Variants in OR4N2 observed in about 807,000 individuals in gnomAD.
The protein encoded by OR4N2 is olfactory receptor family 4 subfamily N member 2.
For synonymous variants in OR4N2, 141 were observed against 140.4 expected (o/e 1.00, Z -0.03); for missense variants, 307 against 377.6 (o/e 0.81, Z 1.55).
rs1376402547 is a variant in OR4N2 at position 19,803,854 on chromosome 14, C to T, written c.-10+10C>T. 6.6e-6 allele frequency: 1 copy of T among 152,194 alleles called. No homozygotes were observed. Among genetic ancestry groups the T allele is most frequent in the Non-Finnish European group, 1.5e-5 (1 of 68,082 alleles). The allele number at this position is 152,194 out of a possible 1,614,324, so 9.4% of individuals were successfully genotyped here. A position where few individuals can be genotyped will look rare whatever the true frequency, so the allele number is the denominator to read the frequency against. ...TCCTGGGCTTTTTCTGGTTGGTAGG[C>T]TTTTTATTACTAACACAATCTTGGA... On this transcript the variant is annotated intron_variant, in intron 1 of 1. Transcript: ENST00000557677.
intron 1 of OR4N2, among the ~76,000 whole-genome samples, chr14:19,806,578 T>C (rs948799076): frequency 6.6e-5 from 10 of 152,272 alleles, no homozygotes; most frequent in Admixed American, 4.6e-4. Context: ...AAAACAAGTT[T>C]TTCTTGGCCT....
intron 1 of OR4N2, among the ~76,000 whole-genome samples, chr14:19,810,770 C>T (rs1002200372): frequency 3.3e-5 from 5 of 152,054 alleles, no homozygotes; most frequent in African/African-American, 1.2e-4. Flanking sequence ...GAAATGATTA[C>T]CAAAATTGAT....
intron 1 of OR4N2, among the ~76,000 whole-genome samples, chr14:19,820,242 G>C (rs532162481): frequency 6.6e-6 from 1 of 152,246 alleles, no homozygotes; most frequent in Non-Finnish European, 1.5e-5. Flanking sequence ...GGATCTCCTG[G>C]ATTCATTGAT....
In OR4N2 at chr14:19,820,040, C is replaced by T. The variant is rs145226163; in HGVS notation, c.-9-7400C>T. On this transcript the variant is annotated intron_variant, in intron 1 of 1. Coordinates refer to ENST00000557677, the MANE Select transcript of OR4N2 (RefSeq NM_001004723.3). ...TGCTGCAGAACAGCAAAGATTACTG[C>T]CTGTTCCTTCTTCTGGAAGCTTTGT... Among the ~76,000 whole-genome samples, 18 of 152,370 alleles carry T rather than the reference C, an allele frequency of 1.2e-4. No homozygotes were observed. The East Asian group carries it at 2.9e-3, about 25-fold the overall frequency.
chr14:19,817,480 G>A (rs1477747544), intron 1 of OR4N2, among the ~76,000 whole-genome samples: 1 of 152,208 alleles, frequency 6.6e-6, no homozygotes, highest in Non-Finnish European at 1.5e-5. Flanking sequence ...TATTTGTGTA[G>A]AGGTGTTTGT....
chr14:19,807,695 A>G (rs1468102184), intron 1 of OR4N2, among the ~76,000 whole-genome samples: 1 of 152,176 alleles, frequency 6.6e-6, no homozygotes, highest in Non-Finnish European at 1.5e-5. Context: ...AAACTATTCC[A>G]AAAAATTGAG....
At chr14:19,810,218 A>G (rs1162317707) in intron 1 of OR4N2, among the ~76,000 whole-genome samples, 2 of 152,252 alleles carry the variant, frequency 1.3e-5, no homozygotes, top group Non-Finnish European at 2.9e-5. Context: ...ACCTACATGC[A>G]GCCAAGAAGC....
intron 1 of OR4N2, among the ~76,000 whole-genome samples, chr14:19,812,593 C>T (rs1285473412): frequency 6.6e-6 from 1 of 152,176 alleles, no homozygotes; most frequent in Non-Finnish European, 1.5e-5. Flanking sequence ...CTCCTGACTT[C>T]GTGATCCGCC....
Position 19,829,092 on chromosome 14 carries a change from T to C in OR4N2, c.*720T>C, listed in dbSNP as rs1018962343. 1.3e-5 allele frequency: 2 copies of C among 152,260 alleles called. No homozygotes were observed. Among genetic ancestry groups the C allele is most frequent in the African/African-American group, 4.8e-5 (2 of 41,462 alleles). The allele number at this position is 152,260 out of a possible 1,614,324, so 9.4% of individuals were successfully genotyped here. A position where few individuals can be genotyped will look rare whatever the true frequency, so the allele number is the denominator to read the frequency against. ...GATATCAAAGACTTGAAAAATATCA[T>C]TAAGAGGAAAATATTATATTTGTAA... On this transcript the variant is annotated 3_prime_UTR_variant, in exon 2 of 2. Coordinates refer to ENST00000557677, the MANE Select transcript of OR4N2 (RefSeq NM_001004723.3).
At position 19,828,275 on chromosome 14, in the gene OR4N2, C is replaced by A. The variant is rs147634932; in HGVS notation, c.827C>A (p.Thr276Lys). ...GACAAGGTGGTTTCTCTCTTCCACA[C>A]AGTGATTTTTCCTTTGTTGAATCCT... ...PADKVVSLFH[T>K]VIFPLLNPVI... The change falls in exon 2 of 2, where the codon ACA (threonine) becomes AAA (lysine). Residue 276 changes from threonine to lysine, a missense_variant. Thr to Lys is a moderately conservative substitution (Grantham distance 78). Transcript: ENST00000557677. The A allele has an allele frequency of 4.5e-4, 729 of 1,614,020 alleles. No individual in the cohort carries two copies. The African/African-American group carries it at 8.9e-3, about 20-fold the overall frequency.
chr14:19,809,346 A>T (rs1001482426), intron 1 of OR4N2, among the ~76,000 whole-genome samples: 102 of 152,268 alleles, frequency 6.7e-4, no homozygotes, highest in Non-Finnish European at 1.5e-4. Context: ...CAAAAACCAG[A>T]GTTGACAAGT....
intron 1 of OR4N2, among the ~76,000 whole-genome samples, chr14:19,809,547 A>G (rs1235752631): frequency 6.6e-6 from 1 of 152,264 alleles, no homozygotes; most frequent in African/African-American, 2.4e-5. Flanking sequence ...AAATAAGGCA[A>G]TCCTAAGCAA....
intron 1 of OR4N2, among the ~76,000 whole-genome samples, chr14:19,813,855 T>TTTTTTTTTGAGACGG (rs1566464217): frequency 1.4e-5 from 2 of 143,640 alleles, no homozygotes; most frequent in African/African-American, 5.1e-5. Flanking sequence ...TTTTTTTTTT[T>TTTTTTTTTGAGACGG]AAGTCATACA....
chr14:19,817,169 C>G (rs1177121691), intron 1 of OR4N2, among the ~76,000 whole-genome samples: 2 of 152,174 alleles, frequency 1.3e-5, no homozygotes, highest in African/African-American at 4.8e-5. Flanking sequence ...ATGTGTGTCT[C>G]TGCCAGGTTT....
chr14:19,819,535 T>C (rs1315266528), intron 1 of OR4N2, among the ~76,000 whole-genome samples: 1 of 152,286 alleles, frequency 6.6e-6, no homozygotes, highest in East Asian at 1.9e-4. Context: ...TTCAGCTCCA[T>C]CAGGTTATTT....
At chr14:19,807,571 T>A (rs1879195723) in intron 1 of OR4N2, among the ~76,000 whole-genome samples, 1 of 138,186 alleles carries the variant, frequency 7.2e-6, no homozygotes, top group Non-Finnish European at 1.6e-5. Flanking sequence ...CATCAAGCTG[T>A]GAAACAGAAT....
At chr14:19,812,329 C>CTTTTTTTTTTT (rs3078143) in intron 1 of OR4N2, among the ~76,000 whole-genome samples, 153 of 117,382 alleles carry the variant, frequency 1.3e-3, no homozygotes, top group East Asian at 1.8e-3. Context: ...CTTTTCTTTT[C>CTTTTTTTTTTT]TTTTTTTTTT....
intron 1 of OR4N2, among the ~76,000 whole-genome samples, chr14:19,807,809 G>C (rs1397475868): frequency 6.6e-6 from 1 of 152,188 alleles, no homozygotes; most frequent in African/African-American, 2.4e-5. Context: ...CAATATCCCT[G>C]ATGAATACAG....
At chr14:19,814,076 T>C (rs1396826656) in intron 1 of OR4N2, among the ~76,000 whole-genome samples, 1 of 152,146 alleles carries the variant, frequency 6.6e-6, no homozygotes, top group Non-Finnish European at 1.5e-5. Context: ...ATCTGTGTTC[T>C]TATTTCACTT....
Sources: allele counts gnomAD v4.1 joint callset (sites outside exome capture counted in the v4.1 genomes callset), GRCh38; gene constraint gnomAD v4.1.1; transcripts MANE v1.5; gene names NCBI Gene and HGNC (gene_info 2026-07-23, HGNC 2026-07-21).